Variants in CDKN2B-AS1 observed in about 807,000 individuals in gnomAD.
The protein encoded by CDKN2B-AS1 is CDKN2B antisense RNA 1 (non-protein coding).
chr9:22,067,543 C>A (rs10811648), intron 4 of CDKN2B-AS1, among the ~76,000 whole-genome samples: 1 of 151,396 alleles, frequency 6.6e-6, no homozygotes, highest in African/African-American at 2.4e-5. Flanking sequence ...CACACACGCA[C>A]GCACACACAC....
intron 4 of CDKN2B-AS1, among the ~76,000 whole-genome samples, chr9:22,070,062 A>C (rs1465128705): frequency 6.6e-6 from 1 of 152,200 alleles, no homozygotes; most frequent in Non-Finnish European, 1.5e-5. Flanking sequence ...AACCAAATGA[A>C]CACTATCCTC....
intron 4 of CDKN2B-AS1, among the ~76,000 whole-genome samples, chr9:22,072,936 A>C (rs542392067): frequency 2.0e-5 from 3 of 152,328 alleles, no homozygotes; most frequent in African/African-American, 7.2e-5. Context: ...TTGAAAGGAG[A>C]TAAGTATGAA....
intron 4 of CDKN2B-AS1, chr9:22,119,246 T>C (rs1826038503): frequency 6.6e-6 from 1 of 152,176 alleles, no homozygotes. Context: ...AACACAGATA[T>C]ATCTTAACAT....
At chr9:22,103,965 A>G (rs1292537886) in intron 4 of CDKN2B-AS1, among the ~76,000 whole-genome samples, 1 of 152,266 alleles carries the variant, frequency 6.6e-6, no homozygotes, top group Admixed American at 6.5e-5. Flanking sequence ...TTATCTATAA[A>G]TATACATATA....
At chr9:22,045,034 T>TGTGTG (rs1563943297) in intron 1 of CDKN2B-AS1, among the ~76,000 whole-genome samples, 1 of 103,268 alleles carries the variant, frequency 9.7e-6, no homozygotes, top group African/African-American at 5.9e-5. Context: ...AAAATATTAT[T>TGTGTG]TATTTGTGTG....
chr9:22,101,749 A>AG (rs1358272541), intron 4 of CDKN2B-AS1, among the ~76,000 whole-genome samples: 1 of 151,948 alleles, frequency 6.6e-6, no homozygotes, highest in Non-Finnish European at 1.5e-5. Flanking sequence ...AAACTACCAT[A>AG]GAAAAACTAA....
At chr9:22,054,103 G>C (rs1045546500) in intron 3 of CDKN2B-AS1, among the ~76,000 whole-genome samples, 1 of 152,142 alleles carries the variant, frequency 6.6e-6, no homozygotes, top group Non-Finnish European at 1.5e-5. Context: ...ATAAGCTGGT[G>C]ATAAACAATT....
intron 1 of CDKN2B-AS1, chr9:22,003,291 AAAAC>A (rs1467806313): frequency 5.0e-6 from 1 of 201,458 alleles, no homozygotes; most frequent in East Asian, 7.5e-5. Flanking sequence ...AAAAACTAAC[AAAAC>A]AAACAAAAAA....
chr9:22,035,662 C>G (rs186804744), intron 1 of CDKN2B-AS1, among the ~76,000 whole-genome samples: 15 of 152,246 alleles, frequency 9.9e-5, no homozygotes, highest in Admixed American at 2.0e-4. Flanking sequence ...CCTTTGTCTT[C>G]TTTGTGAAAG....
intron 4 of CDKN2B-AS1, chr9:22,092,432 G>A (rs544252700): frequency 3.9e-5 from 6 of 152,214 alleles, no homozygotes; most frequent in Admixed American, 2.6e-4. Flanking sequence ...GGTAGAATTC[G>A]GCTGTGAATC....
In CDKN2B-AS1 at chr9:21,995,286, A is replaced by C. The variant is rs1820598964; in HGVS notation, n.29+125A>C. On this transcript the variant is annotated intron_variant and non_coding_transcript_variant, in intron 1 of 4. Coordinates refer to ENST00000650946, the Ensembl canonical transcript of CDKN2B-AS1. The surrounding 1 kb of genome is among the most constrained non-coding windows in gnomAD (Gnocchi z 5.7). ...AGTCCTTTGTGTCTAGCCCATTTTTATTTTCGGTTTTAACCTTCACGACAG... is the reference window on the plus strand; with the variant it reads ...AGTCCTTTGTGTCTAGCCCATTTTTCTTTTCGGTTTTAACCTTCACGACAG... 6.6e-6 allele frequency: 1 copy of C among 151,966 alleles called. No individual in the cohort carries two copies. Among genetic ancestry groups the C allele is most frequent in the Admixed American group, 6.5e-5 (1 of 15,272 alleles). The allele number at this position is 151,966 out of a possible 1,614,324, so 9.4% of individuals were successfully genotyped here. A position where few individuals can be genotyped will look rare whatever the true frequency, so the allele number is the denominator to read the frequency against.
chr9:22,097,774 T>C (rs1387041447), intron 4 of CDKN2B-AS1, among the ~76,000 whole-genome samples: 1 of 152,236 alleles, frequency 6.6e-6, no homozygotes, highest in African/African-American at 2.4e-5. Flanking sequence ...GTTTGTGCTT[T>C]CTGCTGCATT....
intron 1 of CDKN2B-AS1, among the ~76,000 whole-genome samples, chr9:22,002,459 A>G (rs1820965397): frequency 6.8e-6 from 1 of 147,684 alleles, no homozygotes; most frequent in Admixed American, 6.7e-5. Flanking sequence ...TTGAGGGGTA[A>G]TTATAGAATC....
At chr9:22,025,901 A>T (rs1822216648) in intron 1 of CDKN2B-AS1, among the ~76,000 whole-genome samples, 1 of 152,026 alleles carries the variant, frequency 6.6e-6, no homozygotes, top group Admixed American at 6.5e-5. Flanking sequence ...TGCCTCAGAC[A>T]CTCTGAAGCC....
chr9:22,048,065 G>A (rs1036699776), intron 2 of CDKN2B-AS1, among the ~76,000 whole-genome samples: 9 of 152,014 alleles, frequency 5.9e-5, no homozygotes. Flanking sequence ...AAAGTGCTGG[G>A]ATTACAGGCG....
At chr9:22,051,468 G>A (rs1823343273) in intron 3 of CDKN2B-AS1, among the ~76,000 whole-genome samples, 1 of 152,104 alleles carries the variant, frequency 6.6e-6, no homozygotes. Context: ...ATAAACCCCA[G>A]ACTCCTTGAA....
intron 4 of CDKN2B-AS1, among the ~76,000 whole-genome samples, chr9:22,104,581 C>G (rs1288407801): frequency 6.6e-6 from 1 of 152,204 alleles, no homozygotes; most frequent in Non-Finnish European, 1.5e-5. Context: ...TACCACCGTA[C>G]CTCTCCTACA....
At chr9:22,045,590 G>C (rs1294926116) in intron 1 of CDKN2B-AS1, among the ~76,000 whole-genome samples, 1 of 151,976 alleles carries the variant, frequency 6.6e-6, no homozygotes, top group Non-Finnish European at 1.5e-5. Flanking sequence ...AAACAGGCTG[G>C]GGGAACAGTA....
intron 4 of CDKN2B-AS1, chr9:22,119,883 A>C (rs1407453047): frequency 6.6e-6 from 1 of 152,240 alleles, no homozygotes; most frequent in Non-Finnish European, 1.5e-5. Flanking sequence ...AGTTAAAACA[A>C]TAACCAACAT....
Sources: allele counts gnomAD v4.1 joint callset (sites outside exome capture counted in the v4.1 genomes callset), GRCh38; gene constraint gnomAD v4.1.1; non-coding constraint Gnocchi (gnomAD v3.1); transcripts MANE v1.5; gene names NCBI Gene and HGNC (gene_info 2026-07-23, HGNC 2026-07-21).